Variants in STAB2 observed in about 807,000 individuals in gnomAD.
STAB2 encodes the protein stabilin-2.
In STAB2, 288 loss-of-function variants were observed where a neutral mutation model predicts 338.1. The ratio of observed to expected loss-of-function variants is 0.85; its 90% CI spans 0.77 to 0.94. The LOEUF is 0.94. Ranked by LOEUF, STAB2 falls within the 40% of genes least tolerant of loss-of-function variation. STAB2 has a pLI of 0.00. For missense variants in STAB2, 3,141 were observed against 3,210.1 expected (o/e 0.98, Z 0.52); for synonymous variants, 1,202 against 1,193.3 (o/e 1.01, Z -0.15).
intron 50 of STAB2, 98 bp from the exon 51 acceptor site, chr12:103,732,908 C>T (rs12425719): frequency 0.041 from 59,497 of 1,445,470 alleles, 1,474 homozygotes; most frequent in Admixed American, 0.1. Context: ...CAGTAAGCCA[C>T]GGGCTTGAGC....
chr12:103,637,292 C>T (rs887661472), intron 7 of STAB2, 56 bp downstream of exon 7: 2 of 1,560,122 alleles, frequency 1.3e-6, no homozygotes, highest in Admixed American at 4.2e-5. Context: ...GGTTATTTAA[C>T]AGGAAAAAAA....
intron 1 of STAB2, among the ~76,000 whole-genome samples, chr12:103,589,614 C>T (rs1012173485): frequency 1.3e-5 from 2 of 152,146 alleles, no homozygotes; most frequent in Non-Finnish European, 2.9e-5. Flanking sequence ...CAAAAACCAA[C>T]AAAATGTGCT....
chr12:103,734,451 G>A (rs578084764), intron 51 of STAB2, among the ~76,000 whole-genome samples: 6 of 151,804 alleles, frequency 4.0e-5, no homozygotes, highest in Non-Finnish European at 5.9e-5. Context: ...GAGCAAGCAC[G>A]ATCATACAGG....
intron 18 of STAB2, among the ~76,000 whole-genome samples, chr12:103,663,442 C>T (rs1423976315): frequency 6.6e-6 from 1 of 152,166 alleles, no homozygotes; most frequent in Non-Finnish European, 1.5e-5. Flanking sequence ...TGGCTTGTAG[C>T]TGCAGGGGTC....
rs1172151264 is a variant in STAB2, at chr12:103,728,848, G to A, written c.4936-1G>A. 1 of 1,613,960 alleles carries A rather than the reference G, an allele frequency of 6.2e-7. No homozygotes were observed. The highest frequency in any genetic ancestry group is 1.7e-5 in the Admixed American group (1 of 60,020). On this transcript the variant is annotated splice_acceptor_variant, in intron 47 of 68. Coordinates refer to ENST00000388887, the MANE Select transcript of STAB2 (RefSeq NM_017564.10). LOFTEE classifies it high-confidence loss of function. Reference sequence around the variant, plus strand: ...TGAAACCCTCTGATCTTCTGTTACAGGTTAAAGACTGGGACAAATACGGTT... The same window carrying A: ...TGAAACCCTCTGATCTTCTGTTACAAGTTAAAGACTGGGACAAATACGGTT...
At chr12:103,646,159 G>A (rs1873313840) in intron 9 of STAB2, among the ~76,000 whole-genome samples, 1 of 152,052 alleles carries the variant, frequency 6.6e-6, no homozygotes, top group East Asian at 1.9e-4. Context: ...GGCAACAAGA[G>A]GGAAAACTCC....
intron 3 of STAB2, among the ~76,000 whole-genome samples, chr12:103,600,767 G>A (rs1213085489): frequency 3.0e-5 from 3 of 98,904 alleles, no homozygotes; most frequent in Non-Finnish European, 5.8e-5. Flanking sequence ...TGTGGCTCAA[G>A]AAAGCCCCCA....
chr12:103,633,177 G>A (rs1409603401), intron 6 of STAB2, among the ~76,000 whole-genome samples: 1 of 152,200 alleles, frequency 6.6e-6, no homozygotes, highest in Non-Finnish European at 1.5e-5. Context: ...CTCCTGGGCA[G>A]AGGCCTTCTC....
At chr12:103,673,597 C>A (rs767607600) in intron 22 of STAB2, among the ~76,000 whole-genome samples, 1 of 152,186 alleles carries the variant, frequency 6.6e-6, no homozygotes, top group Non-Finnish European at 1.5e-5. Context: ...AATCCTCCCA[C>A]GTCAGCTTCC....
intron 6 of STAB2, among the ~76,000 whole-genome samples, chr12:103,635,185 CAT>C (rs1957524348): frequency 6.6e-6 from 1 of 152,216 alleles, no homozygotes. Flanking sequence ...ACTTGGAAAA[CAT>C]AGTATCTCCC....
chr12:103,714,329 G>GAA (rs974056917), intron 42 of STAB2, among the ~76,000 whole-genome samples: 1 of 152,098 alleles, frequency 6.6e-6, no homozygotes, highest in African/African-American at 2.4e-5. Flanking sequence ...TGTTTAGTTA[G>GAA]AAAAAAATTG....
rs1464603029 is a variant in STAB2, at chr12:103,659,526, G to A, written c.1735-805G>A. On this transcript the variant is annotated intron_variant, in intron 15 of 68. Transcript: ENST00000388887. ...GCTACTTAAATAGCAGAACTTGAGG[G>A]CTGTGAAGCTTGTAACTCCCATCTC... Among the ~76,000 whole-genome samples the A allele has an allele frequency of 2.6e-5, 4 of 152,226 alleles. No homozygotes were observed. In the East Asian group the frequency reaches 5.8e-4, roughly 22 times the overall value.
Position 103,652,556 on chromosome 12 carries a change from G to A in STAB2, c.1258G>A (p.Val420Ile). 1 of 1,567,456 alleles carries A rather than the reference G, an allele frequency of 6.4e-7. No individual in the cohort carries two copies. Among genetic ancestry groups the A allele is most frequent in the Non-Finnish European group, 8.6e-7 (1 of 1,160,250 alleles). ...PTDKGLKGFN[V>I]NELLVDNKAA... Reference sequence around the variant, plus strand: ...AGTAAAATTGGCTCTTCTCTCTTAGGTAAATGAGCTTTTGGTGGATAATAA... The same window carrying A: ...AGTAAAATTGGCTCTTCTCTCTTAGATAAATGAGCTTTTGGTGGATAATAA... The change falls in exon 12 of 69, where the codon GTA (valine) becomes ATA (isoleucine). Residue 420 changes from valine to isoleucine, a missense_variant and splice_region_variant. Val to Ile is a conservative substitution (Grantham distance 29, BLOSUM62 3). Coordinates refer to ENST00000388887, the MANE Select transcript of STAB2 (RefSeq NM_017564.10).
chr12:103,710,947 TATTA>T (rs1264737728), intron 39 of STAB2, among the ~76,000 whole-genome samples: 4 of 152,184 alleles, frequency 2.6e-5, no homozygotes, highest in Non-Finnish European at 4.4e-5. Flanking sequence ...GAAATTTACA[TATTA>T]ATTCAACAAA....
At chr12:103,730,313 C>G (rs1173827041) in intron 49 of STAB2, 57 bp downstream of exon 49, 14 of 1,562,376 alleles carry the variant, frequency 9.0e-6, no homozygotes, top group Non-Finnish European at 1.2e-5. Context: ...ATTATCATCT[C>G]TATTCTGATT....
At chr12:103,724,119 T>C (rs951037837) in intron 44 of STAB2, among the ~76,000 whole-genome samples, 25 of 152,044 alleles carry the variant, frequency 1.6e-4, no homozygotes, top group Admixed American at 9.8e-4. Context: ...TAAAAATTGG[T>C]AAAGGATTAT....
chr12:103,709,638 G>A (rs1337314410), intron 39 of STAB2, among the ~76,000 whole-genome samples: 2 of 152,180 alleles, frequency 1.3e-5, no homozygotes, highest in African/African-American at 4.8e-5. Flanking sequence ...CAAAAATCAA[G>A]GGAATGCAGT....
intron 34 of STAB2, among the ~76,000 whole-genome samples, chr12:103,702,456 G>T (rs1019985225): frequency 1.3e-5 from 2 of 151,900 alleles, no homozygotes; most frequent in Admixed American, 6.5e-5. Flanking sequence ...CCGCCACCGC[G>T]CCCGGCTAAT....
At chr12:103,663,373 A>C (rs929603498) in intron 18 of STAB2, among the ~76,000 whole-genome samples, 1 of 148,668 alleles carries the variant, frequency 6.7e-6, no homozygotes, top group Non-Finnish European at 1.5e-5. Context: ...CTAGGGAAGA[A>C]TGTTTCTTTC....
Sources: allele counts gnomAD v4.1 joint callset (sites outside exome capture counted in the v4.1 genomes callset), GRCh38; gene constraint gnomAD v4.1.1; transcripts MANE v1.5; gene names NCBI Gene and HGNC (gene_info 2026-07-23, HGNC 2026-07-21).